The following LRTM3 variants were observed in gnomAD, a reference collection of about 807,000 sequenced individuals.
LRTM3 encodes leucine-rich repeat transmembrane protein 3.
At chr13:102,733,730 G>C in the LRTM3 span, 1 of 1,551,218 alleles carries the variant, frequency 6.4e-7, no homozygotes, top group Admixed American at 2.0e-5. Flanking sequence ...CTCATCCCGT[G>C]AGTTTAAAAC....
chr13:102,734,558 C>T, the LRTM3 span: 1 of 1,551,092 alleles, frequency 6.4e-7, no homozygotes, highest in Non-Finnish European at 8.7e-7. Flanking sequence ...TATATCTGTG[C>T]CTCTCATATC....
the LRTM3 span, chr13:102,738,492 G>T: frequency 1.3e-6 from 2 of 1,550,480 alleles, no homozygotes; most frequent in Non-Finnish European, 1.7e-6. Flanking sequence ...CTTTTCTCTT[G>T]CTCTTTAATG....
the LRTM3 span, among the ~76,000 whole-genome samples, chr13:102,752,949 G>T: frequency 6.6e-6 from 1 of 152,158 alleles, no homozygotes; most frequent in Admixed American, 6.5e-5. Flanking sequence ...TGGTGCCCTT[G>T]TAAGAAGAGG....
the LRTM3 span, chr13:102,743,119 G>GAATGGA: frequency 6.5e-7 from 1 of 1,550,386 alleles, no homozygotes; most frequent in East Asian, 2.4e-5. Context: ...TTTCTGCATA[G>GAATGGA]AATGGATCCA....
the LRTM3 span, chr13:102,746,976 G>A: frequency 6.4e-7 from 1 of 1,551,122 alleles, no homozygotes; most frequent in Non-Finnish European, 8.7e-7. Flanking sequence ...TCTGTGAATG[G>A]GATTGGTTGA....
the LRTM3 span, chr13:102,738,930 C>T: frequency 6.4e-7 from 1 of 1,550,692 alleles, no homozygotes; most frequent in Non-Finnish European, 8.7e-7. Flanking sequence ...GCCTTTTCCA[C>T]TCTGTCTTTG....
chr13:102,730,331 A>C, the LRTM3 span: 1 of 1,551,262 alleles, frequency 6.4e-7, no homozygotes, highest in Non-Finnish European at 8.7e-7. Flanking sequence ...ACTCTCACTT[A>C]CTTCAAGACA....
the LRTM3 span, chr13:102,732,173 T>C: frequency 1.3e-6 from 2 of 1,551,246 alleles, no homozygotes; most frequent in Non-Finnish European, 1.7e-6. Context: ...TGATTTTTCC[T>C]GGAATTTAGG....
chr13:102,752,819 G>C, the LRTM3 span, among the ~76,000 whole-genome samples: 1 of 152,224 alleles, frequency 6.6e-6, no homozygotes, highest in South Asian at 2.1e-4. Flanking sequence ...ATATGGGTAG[G>C]CCTTAATCCA....
chr13:102,747,349 C>T, the LRTM3 span: 3 of 1,550,164 alleles, frequency 1.9e-6, no homozygotes, highest in Non-Finnish European at 2.6e-6. Context: ...AATTGCCTCC[C>T]ATTTTTTTCC....
the LRTM3 span, chr13:102,736,629 G>T: frequency 6.4e-7 from 1 of 1,550,974 alleles, no homozygotes; most frequent in African/African-American, 1.4e-5. Context: ...TTGCTCAGAA[G>T]TACAACTATT....
chr13:102,749,335 T>C, the LRTM3 span: 1 of 1,551,292 alleles, frequency 6.4e-7, no homozygotes, highest in African/African-American at 1.4e-5. Context: ...GGTTCAATTC[T>C]GATGAAACAA....
At chr13:102,738,851 A>G in the LRTM3 span, 9 of 1,550,470 alleles carry the variant, frequency 5.8e-6, no homozygotes, top group Admixed American at 2.0e-5. Flanking sequence ...GTTCAACTCT[A>G]ATTCTTGGAA....
the LRTM3 span, chr13:102,735,315 T>C: frequency 6.4e-7 from 1 of 1,551,300 alleles, no homozygotes; most frequent in South Asian, 1.2e-5. Context: ...TTTACATCAC[T>C]TGAAAGTTCT....
the LRTM3 span, chr13:102,733,251 C>A: frequency 1.9e-6 from 3 of 1,551,170 alleles, no homozygotes; most frequent in Non-Finnish European, 2.6e-6. Flanking sequence ...CAGTTGGTGA[C>A]GATACTTATT....
the LRTM3 span, chr13:102,745,156 G>T: frequency 3.2e-6 from 5 of 1,550,574 alleles, no homozygotes; most frequent in South Asian, 1.2e-5. Context: ...TTTCTAATTT[G>T]TGAAAGTCAA....
At chr13:102,734,735 T>C in the LRTM3 span, 1 of 1,551,086 alleles carries the variant, frequency 6.4e-7, no homozygotes, top group East Asian at 2.4e-5. Context: ...ATTACCTAAA[T>C]GTGTTTCTTT....
At chr13:102,741,137 T>C in the LRTM3 span, 1 of 1,549,408 alleles carries the variant, frequency 6.5e-7, no homozygotes, top group Non-Finnish European at 8.7e-7. Flanking sequence ...ATTCTCTTTA[T>C]TCTGATAATA....
At chr13:102,742,730 G>A in the LRTM3 span, 2 of 1,550,552 alleles carry the variant, frequency 1.3e-6, no homozygotes. Context: ...TGACCTGTCA[G>A]CCATTTTAAG....
Sources: gnomAD v4.1 joint callset for allele counts (sites outside exome capture counted in the v4.1 genomes callset) on GRCh38, gnomAD v4.1.1 for gene constraint, MANE v1.5 for transcripts, NCBI Gene and HGNC (gene_info 2026-07-23, HGNC 2026-07-21) for gene names.